ZMYM6: variants seen among roughly 807,000 people sequenced by gnomAD.
ZMYM6 encodes the protein zinc finger MYM-type containing 6.
A neutral mutation model predicts 134.0 loss-of-function variants in ZMYM6; 90 were observed. That is an observed-to-expected ratio of 0.67 (90% CI 0.57 to 0.80). The LOEUF (loss-of-function observed/expected upper bound fraction) is 0.80. Ranked by LOEUF, ZMYM6 falls within the 30% of genes least tolerant of loss-of-function variation. The pLI is 0.00. For missense variants in ZMYM6, 1,362 were observed against 1,533.9 expected (o/e 0.89, Z 1.87); for synonymous variants, 481 against 524.1 (o/e 0.92, Z 1.12).
intron 15 of ZMYM6, among the ~76,000 whole-genome samples, chr1:34,990,663 A>G (rs939630582): frequency 6.6e-6 from 1 of 152,186 alleles, no homozygotes; most frequent in Non-Finnish European, 1.5e-5. Flanking sequence ...GTTATATTAT[A>G]TACACTGAAA....
At chr1:35,003,776 G>GT (rs1268247155) in intron 14 of ZMYM6, 192 bp downstream of exon 14, 4 of 540,360 alleles carry the variant, frequency 7.4e-6, no homozygotes, top group Non-Finnish European at 1.0e-5. Context: ...TTCAAAAACA[G>GT]TAATTGCTGC....
At position 35,019,675 on chromosome 1, in the gene ZMYM6, TCTC is replaced by T. The variant is rs375052613; in HGVS notation, c.179-76_179-74del. 886 of 1,465,764 alleles carry T rather than the reference TCTC, an allele frequency of 6.0e-4. 2 individuals carry two copies. The African/African-American group carries it at 0.01, about 17-fold the overall frequency. 90.8% of individuals were successfully genotyped at this position (1,465,764 alleles called of 1,614,324 possible). On this transcript the variant is annotated intron_variant, in intron 3 of 15. Transcript: ENST00000357182. ...TACAGTCTCAGTCTCTCTCTCTCTC[TCTC>T]TTTTTTCTTTTTCTGAGACACGGTC...
Position 35,030,586 on chromosome 1 carries a change from C to T in ZMYM6, c.54G>A (p.Glu18=), listed in dbSNP as rs774131726. ...GTTCTTCTTTAATTTTGTCCAGAAG[C>T]TCCTGCTGTGGTACCACTGCTTTGC... The part of the protein sequence containing the change: ...ECGKAVVPQQ[E]LLDKIKEEPD... Residue 18 remains glutamate, a synonymous_variant, in exon 2 of 16, where the codon GAG becomes GAA. Coordinates refer to ENST00000357182, the MANE Select transcript of ZMYM6 (RefSeq NM_007167.4). The T allele has an allele frequency of 1.2e-6, 2 of 1,613,572 alleles. No individual in the cohort carries two copies. The highest frequency in any genetic ancestry group is 1.1e-5 in the South Asian group (1 of 91,018).
In ZMYM6 at chr1:34,988,591, C is replaced by T. The variant is rs1330553706; in HGVS notation, c.2491G>A (p.Ala831Thr). 2 of 1,550,764 alleles carry T rather than the reference C, an allele frequency of 1.3e-6. No homozygotes were observed. The highest frequency in any genetic ancestry group is 1.7e-6 in the Non-Finnish European group (2 of 1,146,814). ...GTTTGGAAAGCAATTAAATAAGAAG[C>T]TTTCACAAGTGACTTTTCAACTAGT... ...CLLVEKSLVK[A>T]SYLIAFQTAA... The change falls in exon 16 of 16, where the codon GCT becomes ACT. Residue 831 changes from alanine to threonine, a missense_variant. This residue lies in a region of ZMYM6 where 824 missense variants were observed against 940.9 expected (regional missense o/e 0.88). Coordinates refer to ENST00000357182, the MANE Select transcript of ZMYM6 (RefSeq NM_007167.4).
At chr1:35,017,690 C>T (rs1641229887) in intron 4 of ZMYM6, 1 of 152,050 alleles carries the variant, frequency 6.6e-6, no homozygotes, top group South Asian at 2.1e-4. Context: ...CATGTTTTAA[C>T]AGTATGACTT....
chr1:34,999,103 C>A (rs890055551), intron 14 of ZMYM6, among the ~76,000 whole-genome samples: 3 of 152,068 alleles, frequency 2.0e-5, no homozygotes, highest in African/African-American at 7.2e-5. Context: ...GACCCTGTCT[C>A]AATCAGTAAA....
At chr1:35,009,891 A>G (rs1486319879) in intron 10 of ZMYM6, among the ~76,000 whole-genome samples, 2 of 152,202 alleles carry the variant, frequency 1.3e-5, no homozygotes, top group Admixed American at 6.5e-5. Context: ...AGCCAAGATC[A>G]TGCCACCACA....
In ZMYM6 at chr1:35,010,444, T is replaced by C. The variant is rs768305873; in HGVS notation, c.1492+3A>G. Reference sequence around the variant, plus strand: ...TCTGTGAATAAAACAACTTTGTCTTTACCTTCACTACAGAATGGCTTATCA... The same window carrying C: ...TCTGTGAATAAAACAACTTTGTCTTCACCTTCACTACAGAATGGCTTATCA... On this transcript the variant is annotated splice_donor_region_variant and intron_variant, in intron 10 of 15. Coordinates refer to ENST00000357182, the MANE Select transcript of ZMYM6 (RefSeq NM_007167.4). 6.2e-7 allele frequency: 1 copy of C among 1,604,366 alleles called. No homozygotes were observed. Among genetic ancestry groups the C allele is most frequent in the East Asian group, 2.2e-5 (1 of 44,858 alleles).
chr1:35,013,261 A>C, intron 6 of ZMYM6: 2 of 801,586 alleles, frequency 2.5e-6, no homozygotes, highest in Non-Finnish European at 3.0e-6. Context: ...AAAAAGTTTA[A>C]ATTAACAGAT....
chr1:35,019,163 C>T, intron 4 of ZMYM6, 190 bp downstream of exon 4: 1 of 771,740 alleles, frequency 1.3e-6, no homozygotes, highest in Non-Finnish European at 2.0e-6. Context: ...CTGGTTTAGG[C>T]AATATTCTAA....
chr1:35,015,480 C>T (rs1374585832), intron 4 of ZMYM6, among the ~76,000 whole-genome samples: 1 of 151,884 alleles, frequency 6.6e-6, no homozygotes, highest in African/African-American at 2.4e-5. Context: ...AATCCCATCA[C>T]TTTGGGAGGC....
chr1:34,988,386 A>G lies in ZMYM6; in HGVS notation c.2696T>C (p.Ile899Thr), dbSNP rs1307245082. Residue 899 changes from isoleucine (I) to threonine (T), a missense_variant, in exon 16 of 16, where the codon ATT becomes ACT. By Grantham distance (89) the Ile-to-Thr change is moderately conservative. Around this residue, in one of 3 missense-constraint regions of ZMYM6, gnomAD observed 824 missense variants for 940.9 expected, o/e 0.88. Coordinates refer to ENST00000357182, the MANE Select transcript of ZMYM6 (RefSeq NM_007167.4). Reference protein sequence around the residue: ...ELSADIEDQLIQKVRESKWFA... With the variant: ...ELSADIEDQLTQKVRESKWFA... ...CCACTTTGACTCTCTGACCTTTTGA[A>G]TCAGCTGGTCTTCAATGTCTGCAGA... The G allele has an allele frequency of 1.9e-6, 3 of 1,551,522 alleles. No individual in the cohort carries two copies. In the African/African-American group the frequency reaches 4.1e-5, roughly 21 times the overall value.
At chr1:35,030,455 C>T (rs912049838) in intron 2 of ZMYM6, 92 bp downstream of exon 2, 5 of 1,252,916 alleles carry the variant, frequency 4.0e-6, no homozygotes, top group East Asian at 2.4e-5. Flanking sequence ...TTTAAACTTA[C>T]AAACCAGAAG....
intron 4 of ZMYM6, among the ~76,000 whole-genome samples, chr1:35,015,743 A>AAAAAAAAAAAAAAATATATATATATATAT: frequency 9.4e-6 from 1 of 106,476 alleles, no homozygotes; most frequent in African/African-American, 6.6e-5. Context: ...AAAAAAAAAA[A>AAAAAAAAAAAAAAATATATATATATATAT]ATATATATAT....
In ZMYM6 at chr1:35,010,937, TTGACACTGC is replaced by T; in HGVS notation, c.1153_1161del (p.Ala385_Ser387del). The T allele has an allele frequency of 1.2e-6, 2 of 1,612,708 alleles. No homozygotes were observed. The highest frequency in any genetic ancestry group is 8.5e-7 in the Non-Finnish European group (1 of 1,179,562). On this transcript the variant is annotated inframe_deletion, in exon 9 of 16. Transcript: ENST00000357182. ...ACGGCAGAGGTGTTACCTCCTCCTATTGACACTGCTGACCTGGAGGAGGGCGGGCTTACA... is the reference window on the plus strand; with the variant it reads ...ACGGCAGAGGTGTTACCTCCTCCTATTGACCTGGAGGAGGGCGGGCTTACA...
At chr1:35,013,565 G>C (rs1385793852) in intron 6 of ZMYM6, 3 of 985,302 alleles carry the variant, frequency 3.0e-6, no homozygotes, top group Non-Finnish European at 2.4e-6. Context: ...CTTAAAAAAA[G>C]AGATTCTTTT....
intron 12 of ZMYM6, among the ~76,000 whole-genome samples, chr1:35,006,060 T>C (rs1640960748): frequency 1.3e-5 from 2 of 152,126 alleles, no homozygotes. Flanking sequence ...CAGGCTGGAG[T>C]GCCATGGCAT....
In ZMYM6 at chr1:34,988,651, T is replaced by C. The variant is rs1640614069; in HGVS notation, c.2431A>G (p.Met811Val). The change falls in exon 16 of 16, where the codon ATG becomes GTG. Residue 811 changes from methionine (M) to valine (V), a missense_variant. Physicochemically the swap from Met to Val is conservative, Grantham distance 21. Coordinates refer to ENST00000357182, the MANE Select transcript of ZMYM6 (RefSeq NM_007167.4). Reference sequence around the variant, plus strand: ...TTTAAAGAACTATTTTGACATTCCATTTCTAAAGATTTTTGTTCAAAAAAA... The same window carrying C: ...TTTAAAGAACTATTTTGACATTCCACTTCTAAAGATTTTTGTTCAAAAAAA... ...VDFFEQKSLEMECQNSSLKKC... is the reference protein window; with the variant it reads ...VDFFEQKSLEVECQNSSLKKC... The C allele has an allele frequency of 8.4e-6, 13 of 1,547,468 alleles. No individual in the cohort carries two copies. Among genetic ancestry groups the C allele is most frequent in the Non-Finnish European group, 1.1e-5 (13 of 1,145,726 alleles).
chr1:34,992,178 AAAAC>A (rs770638150), intron 15 of ZMYM6, 52 bp downstream of exon 15: 37 of 1,610,298 alleles, frequency 2.3e-5, no homozygotes, highest in East Asian at 2.0e-4. Context: ...TTAAAAAACA[AAAAC>A]AAACAAGCCA....
Sources: allele counts gnomAD v4.1 joint callset (sites outside exome capture counted in the v4.1 genomes callset), GRCh38; gene constraint gnomAD v4.1.1; regional missense constraint gnomAD v4.1.1; transcripts MANE v1.5; gene names NCBI Gene and HGNC (gene_info 2026-07-23, HGNC 2026-07-21).